The following DAPK1 variants were observed in gnomAD, a reference collection of about 807,000 sequenced individuals.
DAPK1 encodes the protein death-associated protein kinase 1.
DAPK1 carries 56 observed loss-of-function variants against 144.9 expected under a neutral mutation model. The ratio of observed to expected loss-of-function variants is 0.39; its 90% confidence interval spans 0.31 to 0.48. DAPK1 has a LOEUF of 0.48. Ranked by LOEUF, DAPK1 falls within the 20% of genes least tolerant of loss-of-function variation. The pLI, the probability that DAPK1 is intolerant of heterozygous loss-of-function variation, is 0.95. For missense variants in DAPK1, 1,454 were observed against 1,875.4 expected, an observed-to-expected ratio of 0.78 and a Z score of 4.15; for synonymous variants, 690 against 749.0, an observed-to-expected ratio of 0.92 and a Z score of 1.29.
chr9:87,541,550 A>G (rs1269623420), intron 2 of DAPK1, among the ~76,000 whole-genome samples: 5 of 41,902 alleles, frequency 1.2e-4, no homozygotes, highest in Admixed American at 2.5e-4. Context: ...CTCTGTCTGG[A>G]AAAAAAAAAA....
rs569970895 is a variant in DAPK1, at chr9:87,606,102, C to T, written c.284+927C>T. On this transcript the variant is annotated intron_variant, in intron 3 of 25. Coordinates refer to ENST00000408954, the MANE Select transcript of DAPK1 (RefSeq NM_004938.4). The stretch of plus-strand genomic sequence containing the variant: ...CAGATTTGCCCTTTTGCCCATCCAA[C>T]AGTCCCCTTCTTTGCGATCCAACGG... 2.6e-5 allele frequency among the ~76,000 whole-genome samples: 4 copies of T among 152,336 alleles called. No homozygotes were observed. In the South Asian group the frequency reaches 8.3e-4, roughly 32 times the overall value.
At chr9:87,674,619 G>T (rs1447051645) in intron 19 of DAPK1, among the ~76,000 whole-genome samples, 1 of 152,062 alleles carries the variant, frequency 6.6e-6, no homozygotes, top group Non-Finnish European at 1.5e-5. Context: ...AAACAATTGG[G>T]GAGTTGCCCA....
intron 2 of DAPK1, among the ~76,000 whole-genome samples, chr9:87,567,758 T>G (rs1425862730): frequency 6.6e-6 from 1 of 152,130 alleles, no homozygotes; most frequent in East Asian, 1.9e-4. Context: ...AATGAGTCTG[T>G]GAGCCCCACC....
Position 87,511,668 on chromosome 9 carries a change from TTGTGTGTG to T in DAPK1, c.62+12559_62+12566del, listed in dbSNP as rs59377718. Among the ~76,000 whole-genome samples the T allele has an allele frequency of 6.9e-3, 977 of 140,740 alleles. 7 individuals carry two copies. The highest frequency in any genetic ancestry group is 0.025 in the African/African-American group (942 of 37,842). The allele number at this position is 140,740 out of a possible 152,430, so 92.3% of individuals were successfully genotyped here. ...CTGAAAGGTAGATTTTCTTTTTCTT[TTGTGTGTG>T]TGTGTGTGTGTGTGTGTGTGTGTGT... is the stretch of plus-strand genomic sequence containing the variant. On this transcript the variant is annotated intron_variant, in intron 2 of 25. Transcript: ENST00000408954.
intron 19 of DAPK1, 81 bp downstream of exon 19, chr9:87,668,755 T>G: frequency 1.2e-6 from 1 of 851,010 alleles, no homozygotes; most frequent in Non-Finnish European, 2.1e-6. Context: ...TATTTGAGAA[T>G]GAGCAAAATG....
intron 2 of DAPK1, among the ~76,000 whole-genome samples, chr9:87,558,458 C>T (rs957010622): frequency 6.6e-5 from 10 of 152,290 alleles, no homozygotes; most frequent in Admixed American, 4.6e-4. Context: ...TCCATGAATA[C>T]AGGATCTCAG....
chr9:87,507,356 G>A (rs1563963818), intron 2 of DAPK1, among the ~76,000 whole-genome samples: 3 of 152,290 alleles, frequency 2.0e-5, no homozygotes, highest in Non-Finnish European at 2.9e-5. Flanking sequence ...GGGATTACAG[G>A]CATGCACCAC....
At chr9:87,669,146 A>G (rs941757598) in intron 19 of DAPK1, among the ~76,000 whole-genome samples, 8 of 152,214 alleles carry the variant, frequency 5.3e-5, no homozygotes, top group South Asian at 2.1e-4. Context: ...CACAATAGCC[A>G]TACCCTTTAA....
At chr9:87,673,563 A>G (rs1824254583) in intron 19 of DAPK1, among the ~76,000 whole-genome samples, 1 of 152,158 alleles carries the variant, frequency 6.6e-6, no homozygotes, top group South Asian at 2.1e-4. Context: ...GAGACTGAAG[A>G]CTGCTGAGGC....
intron 17 of DAPK1, among the ~76,000 whole-genome samples, chr9:87,652,558 C>A (rs1830489311): frequency 7.0e-6 from 1 of 143,030 alleles, no homozygotes; most frequent in Admixed American, 6.9e-5. Context: ...GATTCTGTGT[C>A]CTCTCACCTG....
At chr9:87,552,053 G>T (rs912953179) in intron 2 of DAPK1, among the ~76,000 whole-genome samples, 1 of 141,490 alleles carries the variant, frequency 7.1e-6, no homozygotes, top group African/African-American at 2.8e-5. Context: ...CAGCCAGCAG[G>T]CCTCGCGAGG....
In DAPK1 at chr9:87,590,680, C is replaced by T. The variant is rs147528548; in HGVS notation, c.63-14274C>T. Among the ~76,000 whole-genome samples, 1,072 of 152,220 alleles carry T rather than the reference C, an allele frequency of 7.0e-3. 10 individuals are homozygous for T. The highest frequency in any genetic ancestry group is 0.024 in the African/African-American group (993 of 41,506). Reference sequence around the variant, plus strand: ...GTGGTTCACTGTGGCCTGTAGCACCCGGGCTCAAGCCATCCTCTCACCTCA... The same window carrying T: ...GTGGTTCACTGTGGCCTGTAGCACCTGGGCTCAAGCCATCCTCTCACCTCA... On this transcript the variant is annotated intron_variant, in intron 2 of 25. Coordinates refer to ENST00000408954, the MANE Select transcript of DAPK1 (RefSeq NM_004938.4).
intron 19 of DAPK1, among the ~76,000 whole-genome samples, chr9:87,679,707 A>G (rs11999764): frequency 0.078 from 11,826 of 152,228 alleles, 1,562 homozygotes; most frequent in African/African-American, 0.27. Flanking sequence ...ATGCTGGTTG[A>G]TGAATGAAGG....
intron 18 of DAPK1, chr9:87,668,027 A>G (rs1260093437): frequency 6.5e-6 from 1 of 153,580 alleles, no homozygotes; most frequent in Non-Finnish European, 1.5e-5. Context: ...AAAAATCTCT[A>G]AATAAAAAGC....
intron 19 of DAPK1, among the ~76,000 whole-genome samples, chr9:87,678,600 G>A (rs1046192054): frequency 6.6e-6 from 1 of 152,236 alleles, no homozygotes; most frequent in African/African-American, 2.4e-5. Context: ...GGATAACTCA[G>A]TATATATTAA....
At chr9:87,582,924 G>GAGCAGCAGC (rs928181369) in intron 2 of DAPK1, among the ~76,000 whole-genome samples, 1 of 151,712 alleles carries the variant, frequency 6.6e-6, no homozygotes, top group Non-Finnish European at 1.5e-5. Context: ...AGAACCACAG[G>GAGCAGCAGC]AGCAGCAGCA....
At chr9:87,645,818 A>G in intron 11 of DAPK1, 77 bp from the exon 12 acceptor site, 1 of 1,562,940 alleles carries the variant, frequency 6.4e-7, no homozygotes, top group Non-Finnish European at 8.7e-7. Flanking sequence ...ACAAGTGAGC[A>G]CAGGTTTCTT....
At chr9:87,548,913 C>CTTTTTT (rs11291160) in intron 2 of DAPK1, among the ~76,000 whole-genome samples, 4 of 63,870 alleles carry the variant, frequency 6.3e-5, no homozygotes, top group Non-Finnish European at 1.1e-4. Flanking sequence ...GATTTCATTC[C>CTTTTTT]TTTTTTTTTT....
upstream of DAPK1, among the ~76,000 whole-genome samples, chr9:87,497,463 T>G (rs1824206901): frequency 6.6e-6 from 1 of 152,208 alleles, no homozygotes; most frequent in Admixed American, 6.5e-5. Context: ...AAAAATCTGT[T>G]TTGTTCTATG....
Sources: allele counts gnomAD v4.1 joint callset (sites outside exome capture counted in the v4.1 genomes callset), GRCh38; gene constraint gnomAD v4.1.1; transcripts MANE v1.5; gene names NCBI Gene and HGNC (gene_info 2026-07-23, HGNC 2026-07-21).